The following ATP6V0A1 variants were observed in gnomAD, a reference collection of about 807,000 sequenced individuals.
ATP6V0A1 encodes the protein ATPase H+ transporting V0 subunit a1.
Under a neutral mutation model 105.4 loss-of-function variants are expected in ATP6V0A1, and 43 were observed. That is an observed-to-expected ratio of 0.41 (90% CI 0.32 to 0.53). The LOEUF (loss-of-function observed/expected upper bound fraction) is 0.53. ATP6V0A1 is among the 20% of genes least tolerant of loss of function. The pLI, the probability that ATP6V0A1 is intolerant of heterozygous loss-of-function variation, is 0.30. For synonymous variants in ATP6V0A1, 362 were observed against 372.8 expected, an observed-to-expected ratio of 0.97 and a Z score of 0.33; for missense variants, 676 against 1,051.1, an observed-to-expected ratio of 0.64 and a Z score of 4.93.
chr17:42,462,558 T>A (rs2086548252), intron 2 of ATP6V0A1, among the ~76,000 whole-genome samples: 1 of 152,024 alleles, frequency 6.6e-6, no homozygotes, highest in African/African-American at 2.4e-5. Context: ...TAGCTGGGAC[T>A]AAAGGCATGC....
chr17:42,517,661 G>A (rs1040583903), intron 21 of ATP6V0A1, among the ~76,000 whole-genome samples: 2 of 152,180 alleles, frequency 1.3e-5, no homozygotes, highest in Non-Finnish European at 2.9e-5. Context: ...GCGGCTGTGC[G>A]TCCAGGATGC....
chr17:42,476,743 G>C (rs977109375), intron 5 of ATP6V0A1, among the ~76,000 whole-genome samples: 4 of 152,156 alleles, frequency 2.6e-5, no homozygotes, highest in African/African-American at 9.7e-5. Flanking sequence ...TGTCATGGTG[G>C]AAGTCATTTT....
Position 42,500,916 on chromosome 17 carries a change from C to T in ATP6V0A1, c.1889C>T (p.Ser630Phe). Residue 630 changes from serine (S) to phenylalanine (F), a missense_variant, in exon 16 of 22, where the codon TCT becomes TTT. Around this residue, in one of 3 missense-constraint regions of ATP6V0A1, gnomAD observed 435 missense variants for 642.2 expected, o/e 0.68. Transcript: ENST00000343619. ...YPESGYSMLY[S>F]GQKGIQCFLV... ...GAGTCTGGTTATTCAATGTTGTATT[C>T]TGGACAGGTACGTCAGCCCAGAGGC... 1 of 1,611,792 alleles carries T rather than the reference C, an allele frequency of 6.2e-7. No homozygotes were observed. Among genetic ancestry groups the T allele is most frequent in the Non-Finnish European group, 8.5e-7 (1 of 1,177,898 alleles).
chr17:42,510,078 G>A (rs193263125), intron 19 of ATP6V0A1: 28 of 152,332 alleles, frequency 1.8e-4, no homozygotes, highest in African/African-American at 6.7e-4. Context: ...CCAGCCCAGT[G>A]GAAGCATTAG....
intron 1 of ATP6V0A1, among the ~76,000 whole-genome samples, chr17:42,459,732 C>T (rs551637025): frequency 3.3e-5 from 5 of 152,300 alleles, no homozygotes; most frequent in East Asian, 1.9e-4. Flanking sequence ...TAAAGTCAGC[C>T]TGCATATTCT....
chr17:42,504,959 G>A (rs908998807), intron 17 of ATP6V0A1, among the ~76,000 whole-genome samples: 11 of 152,184 alleles, frequency 7.2e-5, no homozygotes, highest in African/African-American at 2.4e-4. Context: ...TTTAAACTGT[G>A]GCACTGTTCT....
chr17:42,484,162 A>G (rs2089861891), intron 9 of ATP6V0A1, among the ~76,000 whole-genome samples: 1 of 152,110 alleles, frequency 6.6e-6, no homozygotes, highest in Middle Eastern at 3.4e-3. Flanking sequence ...GGTTCACGCC[A>G]TTCTCCTGCC....
Position 42,500,919 on chromosome 17 carries a change from G to T in ATP6V0A1, c.1892G>T (p.Gly631Val). 6.2e-7 allele frequency: 1 copy of T among 1,611,138 alleles called. No homozygotes were observed. The highest frequency in any genetic ancestry group is 8.5e-7 in the Non-Finnish European group (1 of 1,177,350). The change falls in exon 16 of 22, where the codon GGA becomes GTA. Residue 631 changes from glycine to valine, a missense_variant. Physicochemically the swap from Gly to Val is moderately radical, Grantham distance 109 (BLOSUM62 -3). Coordinates refer to ENST00000343619, the MANE Select transcript of ATP6V0A1 (RefSeq NM_001130021.3). ...PESGYSMLYS[G>V]QKGIQCFLVV... ...TCTGGTTATTCAATGTTGTATTCTG[G>T]ACAGGTACGTCAGCCCAGAGGCAGA...
rs201924104 is a variant in ATP6V0A1, at chr17:42,514,350, G to T, written c.2310G>T (p.Ala770=). 4 of 1,613,632 alleles carry T rather than the reference G, an allele frequency of 2.5e-6. No individual in the cohort carries two copies. The South Asian group carries it at 4.4e-5, about 18-fold the overall frequency. Reference sequence around the variant, plus strand: ...TCGGCCTGAGCGTGAAGAGCTTGGCGGGAGGTTTGGTGCTGTTCTTCTTCT... The same window carrying T: ...TCGGCCTGAGCGTGAAGAGCTTGGCTGGAGGTTTGGTGCTGTTCTTCTTCT... ...IHIGLSVKSL[A]GGLVLFFFFT... Residue 770 remains alanine, a synonymous_variant, in exon 21 of 22, where the codon GCG becomes GCT. Transcript: ENST00000343619.
At chr17:42,488,796 T>C (rs903200895) in intron 10 of ATP6V0A1, among the ~76,000 whole-genome samples, 1 of 151,620 alleles carries the variant, frequency 6.6e-6, no homozygotes, top group Admixed American at 6.6e-5. Flanking sequence ...GGTCATCACT[T>C]GAGGTCAGGA....
chr17:42,520,406 G>C (rs1599221462), intron 21 of ATP6V0A1: 1 of 456,332 alleles, frequency 2.2e-6, no homozygotes, highest in Non-Finnish European at 4.4e-6. Flanking sequence ...TGAACTGCTG[G>C]GAAGGGAGCT....
At position 42,462,998 on chromosome 17, in the gene ATP6V0A1, C is replaced by CTTTTTT. The variant is rs35135162; in HGVS notation, c.117+2006_117+2011dup. On this transcript the variant is annotated intron_variant, in intron 2 of 21. Transcript: ENST00000343619. ...CCAGCACCCCAATCAGGATATGGAACTTTTTTTTTTTTTTTTTTTTTTTTG... is the reference window on the plus strand; with the variant it reads ...CCAGCACCCCAATCAGGATATGGAACTTTTTTTTTTTTTTTTTTTTTTTTTTTTTTG... Among the ~76,000 whole-genome samples the CTTTTTT allele has an allele frequency of 1.2e-3, 78 of 66,182 alleles. 5 individuals are homozygous for CTTTTTT. Among genetic ancestry groups the CTTTTTT allele is most frequent in the Non-Finnish European group, 1.4e-3 (55 of 38,522 alleles). The allele number at this position is 66,182 out of a possible 152,430, so 43.4% of individuals were successfully genotyped here. A position where few individuals can be genotyped will look rare whatever the true frequency, so the allele number is the denominator to read the frequency against.
chr17:42,494,352 C>T lies in ATP6V0A1; in HGVS notation c.1193C>T (p.Thr398Met), dbSNP rs764696555. Reference protein sequence around the residue: ...EINPAPYTIITFPFLFAVMFG... With the variant: ...EINPAPYTIIMFPFLFAVMFG... Reference sequence around the variant, plus strand: ...TTCATAGCTCCGTATACTATTATCACGTTCCCTTTTCTATTTGCTGTGATG... The same window carrying T: ...TTCATAGCTCCGTATACTATTATCATGTTCCCTTTTCTATTTGCTGTGATG... Residue 398 changes from threonine to methionine, a missense_variant, in exon 12 of 22, where the codon ACG becomes ATG. Around this residue, in one of 3 missense-constraint regions of ATP6V0A1, gnomAD observed 435 missense variants for 642.2 expected, o/e 0.68. Coordinates refer to ENST00000343619, the MANE Select transcript of ATP6V0A1 (RefSeq NM_001130021.3). 7.4e-6 allele frequency: 12 copies of T among 1,613,110 alleles called. No homozygotes were observed. The South Asian group carries it at 7.7e-5, about 10-fold the overall frequency.
rs548114060 is a variant in ATP6V0A1 at position 42,478,785 on chromosome 17, A to G, written c.633+196A>G. ...ATACATATGGATGTATGATGTATAC[A>G]TGACATATACATATTTTCAAGTTTA... On this transcript the variant is annotated intron_variant, in intron 7 of 21. Coordinates refer to ENST00000343619, the MANE Select transcript of ATP6V0A1 (RefSeq NM_001130021.3). 57 of 366,172 alleles carry G rather than the reference A, an allele frequency of 1.6e-4. 1 individual carries two copies. In the Admixed American group the frequency reaches 2.1e-3, roughly 14 times the overall value. 22.7% of individuals were successfully genotyped at this position (366,172 alleles called of 1,614,324 possible). A position where few individuals can be genotyped will look rare whatever the true frequency, so the allele number is the denominator to read the frequency against.
At chr17:42,491,640 C>CG (rs1034551962) in intron 11 of ATP6V0A1, among the ~76,000 whole-genome samples, 2 of 152,108 alleles carry the variant, frequency 1.3e-5, no homozygotes, top group African/African-American at 4.8e-5. Flanking sequence ...TGTGCCATCA[C>CG]GCCCGGCTAA....
At position 42,487,275 on chromosome 17, in the gene ATP6V0A1, A is replaced by G; in HGVS notation, c.931A>G (p.Asn311Asp). 1 of 1,614,176 alleles carries G rather than the reference A, an allele frequency of 6.2e-7. No homozygotes were observed. Among genetic ancestry groups the G allele is most frequent in the Non-Finnish European group, 8.5e-7 (1 of 1,180,018 alleles). The part of the protein sequence containing the change: ...KAIYHTLNLC[N>D]IDVTQKCLIA... The stretch of plus-strand genomic sequence containing the variant: ...CATCTATCACACCCTGAACCTGTGC[A>G]ACATAGATGTGACTCAGAAATGCTT... Residue 311 changes from asparagine to aspartate, a missense_variant, in exon 10 of 22, where the codon AAC becomes GAC. This residue lies in a region of ATP6V0A1 where 239 missense variants were observed against 388.4 expected (regional missense o/e 0.62). Transcript: ENST00000343619.
intron 1 of ATP6V0A1, chr17:42,460,568 G>T: frequency 4.1e-6 from 1 of 244,174 alleles, no homozygotes; most frequent in Non-Finnish European, 8.3e-6. Flanking sequence ...TCTTTAATCT[G>T]GATACATTCT....
chr17:42,485,698 C>T (rs2090040340), intron 9 of ATP6V0A1, among the ~76,000 whole-genome samples: 1 of 152,102 alleles, frequency 6.6e-6, no homozygotes, highest in Non-Finnish European at 1.5e-5. Flanking sequence ...CTACAGGTGC[C>T]TGCTGCCATG....
intron 17 of ATP6V0A1, among the ~76,000 whole-genome samples, chr17:42,502,173 A>G (rs897578005): frequency 6.6e-6 from 1 of 152,166 alleles, no homozygotes; most frequent in South Asian, 2.1e-4. Flanking sequence ...AAAAGTCACA[A>G]ATTTTTACCT....
Sources: gnomAD v4.1 joint callset for allele counts (sites outside exome capture counted in the v4.1 genomes callset) on GRCh38, gnomAD v4.1.1 for gene constraint, gnomAD v4.1.1 regional missense constraint, MANE v1.5 for transcripts, NCBI Gene and HGNC (gene_info 2026-07-23, HGNC 2026-07-21) for gene names.